UBE2G1: variants seen among roughly 807,000 people sequenced by gnomAD.
UBE2G1 encodes the protein ubiquitin-conjugating enzyme E2 G1.
UBE2G1 carries 5 observed loss-of-function variants against 22.7 expected under a neutral mutation model. The observed-to-expected ratio is 0.22, with a 90% CI of 0.12 to 0.46. The LOEUF (loss-of-function observed/expected upper bound fraction) is 0.46, where lower values mean the gene tolerates loss of function less well. Ranked by LOEUF, UBE2G1 falls within the 20% of genes least tolerant of loss-of-function variation. The pLI, the probability that UBE2G1 is intolerant of heterozygous loss-of-function variation, is 0.99. For synonymous variants in UBE2G1, 74 were observed against 67.5 expected (o/e 1.10, Z -0.47); for missense variants, 88 against 203.9 (o/e 0.43, Z 3.46).
At chr17:4,345,369 A>T (rs1019465947) in intron 1 of UBE2G1, among the ~76,000 whole-genome samples, 3 of 152,252 alleles carry the variant, frequency 2.0e-5, no homozygotes, top group Non-Finnish European at 4.4e-5. Flanking sequence ...GCTCAATTTG[A>T]ATTTTAAACA....
chr17:4,316,938 T>TAAA lies in UBE2G1; in HGVS notation c.47-9818_47-9816dup, dbSNP rs33950725. Among the ~76,000 whole-genome samples, 1,189 of 134,288 alleles carry TAAA rather than the reference T, an allele frequency of 8.9e-3. 13 individuals carry two copies. Among genetic ancestry groups the TAAA allele is most frequent in the African/African-American group, 0.023 (820 of 34,978 alleles). The allele number at this position is 134,288 out of a possible 152,430, so 88.1% of individuals were successfully genotyped here. On this transcript the variant is annotated intron_variant, in intron 1 of 5. Coordinates refer to ENST00000396981, the MANE Select transcript of UBE2G1 (RefSeq NM_003342.5). Reference sequence around the variant, plus strand: ...TTGGAGCAAGACCATGTCTCTTGAATAAAAAAAAAAAAAAAAAAAATCAAG... The same window carrying TAAA: ...TTGGAGCAAGACCATGTCTCTTGAATAAAAAAAAAAAAAAAAAAAAAAATCAAG...
chr17:4,366,207 G>A lies in UBE2G1; in HGVS notation c.46+64C>T. The A allele has an allele frequency of 2.7e-6, 4 of 1,471,988 alleles. No homozygotes were observed. The South Asian group carries it at 3.8e-5, about 14-fold the overall frequency. 91.2% of individuals were successfully genotyped at this position (1,471,988 alleles called of 1,614,324 possible). On this transcript the variant is annotated intron_variant, in intron 1 of 5. Transcript: ENST00000396981. ...CGGCCGCTGGCCCGGGAGGAGAAGA[G>A]GGACTGGGCTGCGGCTGTCCGCGAT...
At chr17:4,295,270 G>A (rs932386657) in intron 3 of UBE2G1, among the ~76,000 whole-genome samples, 1 of 152,192 alleles carries the variant, frequency 6.6e-6, no homozygotes, top group African/African-American at 2.4e-5. Context: ...TACGGTTAAT[G>A]CATTCTGCCA....
intron 1 of UBE2G1, among the ~76,000 whole-genome samples, chr17:4,328,321 G>A (rs954315530): frequency 6.6e-6 from 1 of 152,166 alleles, no homozygotes; most frequent in Non-Finnish European, 1.5e-5. Context: ...TGTACAAGGT[G>A]TATATTGTTT....
At chr17:4,301,705 G>A (rs1331429352) in intron 2 of UBE2G1, 1 of 687,254 alleles carries the variant, frequency 1.5e-6, no homozygotes, top group East Asian at 3.0e-5. Context: ...TTTGGCTGAT[G>A]GAATTTGAAA....
chr17:4,316,025 G>A (rs1215327615), intron 1 of UBE2G1, among the ~76,000 whole-genome samples: 3 of 151,708 alleles, frequency 2.0e-5, no homozygotes, highest in Non-Finnish European at 4.4e-5. Context: ...CCGTGGTCTC[G>A]ATCTCCTGAT....
At chr17:4,296,852 T>C (rs1969118561) in intron 2 of UBE2G1, 38 bp from the exon 3 acceptor site, 1 of 1,570,070 alleles carries the variant, frequency 6.4e-7, no homozygotes, top group African/African-American at 1.4e-5. Flanking sequence ...TGCCTATAAG[T>C]TCCTGCTTTT....
intron 1 of UBE2G1, among the ~76,000 whole-genome samples, chr17:4,361,676 T>C (rs773501545): frequency 4.7e-4 from 72 of 152,224 alleles, no homozygotes; most frequent in Non-Finnish European, 8.1e-4. Context: ...TGATGGCTCA[T>C]GCCTGTAATT....
intron 3 of UBE2G1, among the ~76,000 whole-genome samples, chr17:4,295,470 C>T (rs1275002411): frequency 6.6e-6 from 1 of 152,196 alleles, no homozygotes; most frequent in African/African-American, 2.4e-5. Context: ...TATTCCATAT[C>T]CTTCCGATAA....
intron 1 of UBE2G1, among the ~76,000 whole-genome samples, chr17:4,312,866 C>T (rs1477756282): frequency 6.6e-6 from 1 of 151,718 alleles, no homozygotes; most frequent in Non-Finnish European, 1.5e-5. Context: ...CAGTTGCCCT[C>T]GGCATAAGCA....
intron 1 of UBE2G1, among the ~76,000 whole-genome samples, chr17:4,348,110 T>A (rs969785060): frequency 1.3e-5 from 2 of 152,176 alleles, no homozygotes; most frequent in African/African-American, 4.8e-5. Flanking sequence ...TTTTAAAAGT[T>A]AGCCAGGCGC....
At chr17:4,340,416 T>C (rs189985457) in intron 1 of UBE2G1, among the ~76,000 whole-genome samples, 261 of 152,314 alleles carry the variant, frequency 1.7e-3, no homozygotes, top group Non-Finnish European at 2.0e-3. Context: ...GTTCCCACTT[T>C]ATCTGCACTA....
intron 4 of UBE2G1, among the ~76,000 whole-genome samples, chr17:4,283,674 G>A (rs1014800693): frequency 2.0e-5 from 3 of 152,106 alleles, no homozygotes; most frequent in Non-Finnish European, 4.4e-5. Flanking sequence ...AATTATCACT[G>A]TCACTGCCTG....
At chr17:4,304,953 C>CTTT (rs554912028) in intron 2 of UBE2G1, among the ~76,000 whole-genome samples, 3 of 137,132 alleles carry the variant, frequency 2.2e-5, no homozygotes, top group African/African-American at 8.1e-5. Context: ...TTTTTAAGAA[C>CTTT]TTTTTTTTTT....
intron 2 of UBE2G1, chr17:4,302,298 T>C (rs1969192723): frequency 2.1e-6 from 1 of 473,328 alleles, no homozygotes; most frequent in African/African-American, 2.0e-5. Context: ...GAACAGCATC[T>C]GGGTTCTGCG....
chr17:4,345,394 T>A (rs1266510635), intron 1 of UBE2G1, among the ~76,000 whole-genome samples: 1 of 152,242 alleles, frequency 6.6e-6, no homozygotes, highest in Admixed American at 6.5e-5. Flanking sequence ...TGTTCCACTT[T>A]CATTCTATAA....
intron 5 of UBE2G1, among the ~76,000 whole-genome samples, chr17:4,274,521 C>G (rs992643361): frequency 5.9e-5 from 9 of 152,000 alleles, no homozygotes; most frequent in African/African-American, 2.2e-4. Flanking sequence ...TACAATCACT[C>G]AAATGCAACC....
At chr17:4,292,028 T>C (rs1404193288) in intron 3 of UBE2G1, among the ~76,000 whole-genome samples, 1 of 152,130 alleles carries the variant, frequency 6.6e-6, no homozygotes, top group East Asian at 1.9e-4. Context: ...GAAACTAAGC[T>C]ACCTGGGCCG....
intron 1 of UBE2G1, among the ~76,000 whole-genome samples, chr17:4,347,463 TTTC>T (rs1289179747): frequency 3.7e-5 from 5 of 136,236 alleles, no homozygotes; most frequent in African/African-American, 1.6e-4. Flanking sequence ...TCTCACAGTA[TTTC>T]TTCTTTTTTT....
Sources: allele counts gnomAD v4.1 joint callset (sites outside exome capture counted in the v4.1 genomes callset), GRCh38; gene constraint gnomAD v4.1.1; transcripts MANE v1.5; gene names NCBI Gene and HGNC (gene_info 2026-07-23, HGNC 2026-07-21).